Variants in LUZP2 observed in about 807,000 individuals in gnomAD.
LUZP2 encodes the protein leucine zipper protein 2.
LUZP2 carries 52 observed loss-of-function variants against 51.6 expected under a neutral mutation model. The observed-to-expected ratio is 1.01, with a 90% CI of 0.81 to 1.27. The LOEUF is 1.27. Among genes scored for constraint, LUZP2 ranks in the 50% most tolerant of loss-of-function variants. The pLI is 0.00. For synonymous variants in LUZP2, 154 were observed against 137.3 expected (o/e 1.12, Z -0.85); for missense variants, 436 against 395.4 (o/e 1.10, Z -0.87).
chr11:25,017,527 C>G (rs1021515196), intron 9 of LUZP2, among the ~76,000 whole-genome samples: 1 of 152,052 alleles, frequency 6.6e-6, no homozygotes, highest in African/African-American at 2.4e-5. Flanking sequence ...GTTGTTTCCC[C>G]AGTTTGTTTT....
intron 1 of LUZP2, among the ~76,000 whole-genome samples, chr11:24,522,231 A>G (rs16912678): frequency 0.04 from 6,091 of 152,150 alleles, 159 homozygotes; most frequent in Middle Eastern, 0.11. Flanking sequence ...AATATTTAGC[A>G]CCTTGTGTCA....
At chr11:24,680,501 G>T (rs1590339229) in intron 1 of LUZP2, among the ~76,000 whole-genome samples, 1 of 152,168 alleles carries the variant, frequency 6.6e-6, no homozygotes, top group Admixed American at 6.5e-5. Flanking sequence ...CAAGTGGAAA[G>T]AAATGATCAA....
intron 10 of LUZP2, among the ~76,000 whole-genome samples, chr11:25,072,075 A>G (rs996228264): frequency 2.0e-5 from 3 of 152,184 alleles, no homozygotes; most frequent in Admixed American, 2.0e-4. Context: ...GATTAAATTA[A>G]AGCCCAAGGA....
intron 3 of LUZP2, among the ~76,000 whole-genome samples, chr11:24,736,072 A>T (rs760872915): frequency 1.3e-5 from 2 of 151,942 alleles, no homozygotes; most frequent in Non-Finnish European, 2.9e-5. Flanking sequence ...TTGGCAGGAA[A>T]ATATTCAGAA....
chr11:24,813,872 A>C (rs1287656032), intron 5 of LUZP2, among the ~76,000 whole-genome samples: 1 of 152,212 alleles, frequency 6.6e-6, no homozygotes, highest in African/African-American at 2.4e-5. Context: ...CTTATGTTCA[A>C]ATCCTAACCT....
intron 1 of LUZP2, among the ~76,000 whole-genome samples, chr11:24,670,870 T>G (rs78236385): frequency 1.4e-3 from 209 of 152,094 alleles, no homozygotes; most frequent in East Asian, 0.01. Flanking sequence ...TTTCTCCTAC[T>G]GATTTTTAAT....
chr11:25,040,928 T>C (rs1054844607), intron 9 of LUZP2, among the ~76,000 whole-genome samples: 1 of 152,144 alleles, frequency 6.6e-6, no homozygotes, highest in Non-Finnish European at 1.5e-5. Flanking sequence ...ATTGTATCGC[T>C]ACCAAAATTG....
chr11:24,534,477 G>T (rs903475373), intron 1 of LUZP2, among the ~76,000 whole-genome samples: 14 of 150,140 alleles, frequency 9.3e-5, no homozygotes, highest in Admixed American at 8.0e-4. Context: ...TATTTTGTAG[G>T]TATGTAAATA....
intron 1 of LUZP2, among the ~76,000 whole-genome samples, chr11:24,696,091 G>A (rs1857238750): frequency 6.6e-6 from 1 of 152,072 alleles, no homozygotes; most frequent in East Asian, 1.9e-4. Flanking sequence ...ACAAGGCTTA[G>A]GATTTCATAC....
intron 1 of LUZP2, among the ~76,000 whole-genome samples, chr11:24,559,153 A>G (rs1851958548): frequency 6.6e-6 from 1 of 152,188 alleles, no homozygotes; most frequent in African/African-American, 2.4e-5. Context: ...GTATTACAAC[A>G]CTTTAATCAG....
chr11:25,013,293 G>A (rs1857033761), intron 9 of LUZP2, among the ~76,000 whole-genome samples: 1 of 152,024 alleles, frequency 6.6e-6, no homozygotes, highest in African/African-American at 2.4e-5. Flanking sequence ...TAGAAAAAAT[G>A]AATGTTTAAC....
intron 1 of LUZP2, among the ~76,000 whole-genome samples, chr11:24,690,756 G>C (rs985733785): frequency 6.6e-6 from 1 of 152,010 alleles, no homozygotes; most frequent in Non-Finnish European, 1.5e-5. Context: ...AACTCTACCA[G>C]CTTCTGGGGT....
At chr11:24,982,201 G>A (rs1027041345) in intron 8 of LUZP2, among the ~76,000 whole-genome samples, 1 of 151,844 alleles carries the variant, frequency 6.6e-6, no homozygotes, top group Admixed American at 6.6e-5. Flanking sequence ...GCAGTATGGC[G>A]ATTCCTCAAA....
rs540119914 is a variant in LUZP2, at chr11:24,518,871, A to T, written c.62+21566A>T. Among the ~76,000 whole-genome samples, 5 of 152,352 alleles carry T rather than the reference A, an allele frequency of 3.3e-5. No individual in the cohort carries two copies. The East Asian group carries it at 7.7e-4, about 24-fold the overall frequency. On this transcript the variant is annotated intron_variant, in intron 1 of 11. Transcript: ENST00000336930. Reference sequence around the variant, plus strand: ...AAGTTTCTATTCAAGTTCCCAATCAAGTCTATTTATGCAAATGAAGGATTC... The same window carrying T: ...AAGTTTCTATTCAAGTTCCCAATCATGTCTATTTATGCAAATGAAGGATTC...
At chr11:24,836,875 G>T (rs1321943076) in intron 5 of LUZP2, among the ~76,000 whole-genome samples, 1 of 151,794 alleles carries the variant, frequency 6.6e-6, no homozygotes, top group Non-Finnish European at 1.5e-5. Context: ...TATCAATGTT[G>T]ATTTCTTGAT....
At chr11:24,770,918 C>A (rs1860389949) in intron 5 of LUZP2, among the ~76,000 whole-genome samples, 1 of 150,836 alleles carries the variant, frequency 6.6e-6, no homozygotes, top group Non-Finnish European at 1.5e-5. Context: ...AGGAAGTTGC[C>A]AGCCTGCCTG....
chr11:24,536,012 G>A (rs7952533), intron 1 of LUZP2, among the ~76,000 whole-genome samples: 151,129 of 151,838 alleles, frequency 1, 75,212 homozygotes, highest in East Asian at 1. Flanking sequence ...CTCCTTGTAC[G>A]TGTCCATCAG....
intron 5 of LUZP2, among the ~76,000 whole-genome samples, chr11:24,847,518 T>A (rs1590632554): frequency 1.3e-5 from 2 of 152,302 alleles, no homozygotes; most frequent in East Asian, 3.9e-4. Flanking sequence ...CTGTGCTCTT[T>A]ACTGGAGGCA....
intron 1 of LUZP2, among the ~76,000 whole-genome samples, chr11:24,677,666 T>C (rs924626766): frequency 6.6e-6 from 1 of 152,250 alleles, no homozygotes; most frequent in Non-Finnish European, 1.5e-5. Context: ...TTTATCACAA[T>C]TTGTAAATAT....
Sources: gnomAD v4.1 joint callset for allele counts (sites outside exome capture counted in the v4.1 genomes callset) on GRCh38, gnomAD v4.1.1 for gene constraint, MANE v1.5 for transcripts, NCBI Gene and HGNC (gene_info 2026-07-23, HGNC 2026-07-21) for gene names.